The following ZNRF3 variants were observed in gnomAD, a reference collection of about 807,000 sequenced individuals.
The protein encoded by ZNRF3 is zinc and ring finger 3.
In ZNRF3, 23 loss-of-function variants were observed where a neutral mutation model predicts 72.5. That is an observed-to-expected ratio of 0.32 (90% CI 0.23 to 0.45). The LOEUF (loss-of-function observed/expected upper bound fraction) is 0.45, where lower values mean the gene tolerates loss of function less well. Ranked by LOEUF, ZNRF3 falls within the 20% of genes least tolerant of loss-of-function variation. The pLI, the probability that ZNRF3 is intolerant of heterozygous loss-of-function variation, is 1.00. For synonymous variants in ZNRF3, 610 were observed against 545.3 expected (o/e 1.12, Z -1.65); for missense variants, 1,169 against 1,272.1 (o/e 0.92, Z 1.23).
At position 28,937,174 on chromosome 22, in the gene ZNRF3, A is replaced by ATATAT. The variant is rs1555970638; in HGVS notation, c.301-49902_301-49901insTATAT. ...CGCTGCCAACCTACTTCTCTCTTAT[A>ATATAT]ATATATATATATATATATATATATA... is the stretch of plus-strand genomic sequence containing the variant. On this transcript the variant is annotated intron_variant, in intron 1 of 8. Transcript: ENST00000544604. Among the ~76,000 whole-genome samples the ATATAT allele has an allele frequency of 4.6e-4, 36 of 78,714 alleles. 1 individual carries two copies. Among genetic ancestry groups the ATATAT allele is most frequent in the African/African-American group, 2.2e-3 (34 of 15,324 alleles). 51.6% of individuals were successfully genotyped at this position (78,714 alleles called of 152,430 possible).
At position 29,049,781 on chromosome 22, in the gene ZNRF3, G is replaced by A. The variant is rs748687002; in HGVS notation, c.1600G>A (p.Gly534Ser). The A allele has an allele frequency of 1.4e-5, 22 of 1,600,284 alleles. No individual in the cohort carries two copies. Among genetic ancestry groups the A allele is most frequent in the Admixed American group, 8.4e-5 (5 of 59,420 alleles). Residue 534 changes from glycine to serine, a missense_variant, in exon 8 of 9, where the codon GGC (glycine) becomes AGC (serine). This residue lies in a region of ZNRF3 where 783 missense variants were observed against 731.4 expected (regional missense o/e 1.07). Coordinates refer to ENST00000544604, the MANE Select transcript of ZNRF3 (RefSeq NM_001206998.2). The surrounding 1 kb of genome is among the most constrained non-coding windows in gnomAD (Gnocchi z 5.2). ...CACGTCCAGCTTCAGCTGCTATCAC[G>A]GCCACCGCTCGGTGTGCAGTGGCTA... is the stretch of plus-strand genomic sequence containing the variant. Reference protein sequence around the residue: ...GSTSSFSCYHGHRSVCSGYLA... With the variant: ...GSTSSFSCYHSHRSVCSGYLA...
Position 28,970,584 on chromosome 22 carries a change from T to C in ZNRF3, c.301-16492T>C, listed in dbSNP as rs527670107. The stretch of plus-strand genomic sequence containing the variant: ...ATATCCGTGGCAGCTTTATTTGTAA[T>C]AGTGAAAAAGTGGAAACAATCCAAT... On this transcript the variant is annotated intron_variant, in intron 1 of 8. Transcript: ENST00000544604. Among the ~76,000 whole-genome samples, 4 of 152,296 alleles carry C rather than the reference T, an allele frequency of 2.6e-5. No homozygotes were observed. In the East Asian group the frequency reaches 5.8e-4, roughly 22 times the overall value.
At chr22:29,021,871 TA>T (rs900647287) in intron 2 of ZNRF3, among the ~76,000 whole-genome samples, 1 of 152,042 alleles carries the variant, frequency 6.6e-6, no homozygotes, top group African/African-American at 2.4e-5. Flanking sequence ...GTTTGACCTA[TA>T]TGCACACACA....
chr22:28,981,865 C>T (rs771087541), intron 1 of ZNRF3, among the ~76,000 whole-genome samples: 7 of 152,114 alleles, frequency 4.6e-5, no homozygotes, highest in East Asian at 1.9e-4. Flanking sequence ...AGCGTGGTGG[C>T]GGGCGCCTCT....
chr22:28,889,261 G>A (rs2033845072), intron 1 of ZNRF3, among the ~76,000 whole-genome samples: 1 of 152,216 alleles, frequency 6.6e-6, no homozygotes, highest in Admixed American at 6.5e-5. Context: ...GAGGGTCACA[G>A]ACTTTCAGAG....
chr22:29,046,579 G>A (rs2037074125), intron 5 of ZNRF3, 137 bp from the exon 6 acceptor site: 8 of 959,334 alleles, frequency 8.3e-6, no homozygotes, highest in Middle Eastern at 6.8e-4. Flanking sequence ...TCTGAGTTCT[G>A]AGCGACTTCT....
chr22:28,943,501 G>A (rs2034988154), intron 1 of ZNRF3, among the ~76,000 whole-genome samples: 1 of 152,156 alleles, frequency 6.6e-6, no homozygotes, highest in Non-Finnish European at 1.5e-5. Flanking sequence ...TAAAATATGA[G>A]GTTTGGAGAG....
At chr22:28,909,787 T>A (rs901131163) in intron 1 of ZNRF3, among the ~76,000 whole-genome samples, 2 of 146,450 alleles carry the variant, frequency 1.4e-5, no homozygotes, top group Non-Finnish European at 3.0e-5. Flanking sequence ...GGGAAAGGGT[T>A]CTACCATGTT....
intron 1 of ZNRF3, among the ~76,000 whole-genome samples, chr22:28,923,212 C>G (rs1003549120): frequency 6.6e-6 from 1 of 152,154 alleles, no homozygotes; most frequent in African/African-American, 2.4e-5. Context: ...TGTATTTCCT[C>G]CTGGTCTGCT....
Position 28,883,774 on chromosome 22 carries a change from C to A in ZNRF3, c.8C>A (p.Pro3Gln). The A allele has an allele frequency of 2.0e-6, 2 of 980,214 alleles. No individual in the cohort carries two copies. The highest frequency in any genetic ancestry group is 4.6e-5 in the South Asian group (1 of 21,964). 60.7% of individuals were successfully genotyped at this position (980,214 alleles called of 1,614,324 possible). A position where few individuals can be genotyped will look rare whatever the true frequency, so the allele number is the denominator to read the frequency against. Residue 3 changes from proline (P) to glutamine (Q), a missense_variant, in exon 1 of 9, where the codon CCG (proline) becomes CAG (glutamine). By Grantham distance (76) the Pro-to-Gln change is moderately conservative (BLOSUM62 -1). Around this residue, in one of 2 missense-constraint regions of ZNRF3, gnomAD observed 386 missense variants for 540.7 expected, o/e 0.71. Coordinates refer to ENST00000544604, the MANE Select transcript of ZNRF3 (RefSeq NM_001206998.2). The surrounding 1 kb of genome is among the most constrained non-coding windows in gnomAD (Gnocchi z 5.5). Reference sequence around the variant, plus strand: ...CCCTCCCGCCGCAGGACCATGAGGCCGCGCTCGGGCGGGCGCCCAGGGGCC... The same window carrying A: ...CCCTCCCGCCGCAGGACCATGAGGCAGCGCTCGGGCGGGCGCCCAGGGGCC... MR[P>Q]RSGGRPGATG...
intron 2 of ZNRF3, among the ~76,000 whole-genome samples, chr22:29,012,631 G>A (rs2036365544): frequency 6.6e-6 from 1 of 152,220 alleles, no homozygotes; most frequent in South Asian, 2.1e-4. Context: ...CTTTACACTG[G>A]TAGGTGTAGG....
At chr22:29,022,837 C>T (rs1425427719) in intron 2 of ZNRF3, among the ~76,000 whole-genome samples, 1 of 152,140 alleles carries the variant, frequency 6.6e-6, no homozygotes, top group Non-Finnish European at 1.5e-5. Flanking sequence ...CTAGCAGGTC[C>T]TTTATAGTCA....
chr22:28,928,169 T>G (rs1401716078), intron 1 of ZNRF3, among the ~76,000 whole-genome samples: 1 of 152,236 alleles, frequency 6.6e-6, no homozygotes, highest in African/African-American at 2.4e-5. Flanking sequence ...TTTTTAAATT[T>G]TATTTTTAAA....
intron 1 of ZNRF3, among the ~76,000 whole-genome samples, chr22:28,886,461 G>C (rs571830612): frequency 3.9e-5 from 6 of 152,150 alleles, no homozygotes; most frequent in Non-Finnish European, 7.4e-5. Context: ...ACCTCCTTTT[G>C]TTTACTATCT....
chr22:28,933,780 CCCTCCCT>C (rs1555970194), intron 1 of ZNRF3, among the ~76,000 whole-genome samples: 2 of 123,092 alleles, frequency 1.6e-5, no homozygotes, highest in Admixed American at 8.3e-5. Context: ...TCTCTCTCTC[CCCTCCCT>C]CCTCCCTCCT....
intron 1 of ZNRF3, among the ~76,000 whole-genome samples, chr22:28,935,851 TC>T (rs1296783816): frequency 1.3e-5 from 2 of 152,242 alleles, no homozygotes; most frequent in East Asian, 3.9e-4. Context: ...TTCCCGACCA[TC>T]CCACTAACTC....
rs190833806 is a variant in ZNRF3, at chr22:29,019,693, A to G, written c.427-22802A>G. ...TAGCAATCATTAATTGGCACCTACC[A>G]TGTACCCAAACTACACCAAGCACTT... On this transcript the variant is annotated intron_variant, in intron 2 of 8. Transcript: ENST00000544604. 2.3e-4 allele frequency among the ~76,000 whole-genome samples: 35 copies of G among 152,292 alleles called. 1 individual carries two copies. In the East Asian group the frequency reaches 6.8e-3, roughly 29 times the overall value.
intron 1 of ZNRF3, among the ~76,000 whole-genome samples, chr22:28,887,870 G>A (rs973992815): frequency 9.9e-5 from 15 of 152,178 alleles, no homozygotes; most frequent in African/African-American, 2.9e-4. Flanking sequence ...GTTAAATAAA[G>A]GCCCGATTAA....
chr22:28,907,534 G>T (rs567135511), intron 1 of ZNRF3, among the ~76,000 whole-genome samples: 1 of 152,316 alleles, frequency 6.6e-6, no homozygotes, highest in Non-Finnish European at 1.5e-5. Flanking sequence ...GATGGTGTCC[G>T]TGCCTTTCAT....
Sources: gnomAD v4.1 joint callset for allele counts (sites outside exome capture counted in the v4.1 genomes callset) on GRCh38, gnomAD v4.1.1 for gene constraint, gnomAD v4.1.1 regional missense constraint, Gnocchi (gnomAD v3.1) non-coding constraint, MANE v1.5 for transcripts, NCBI Gene and HGNC (gene_info 2026-07-23, HGNC 2026-07-21) for gene names.